CHD5: variants seen among roughly 807,000 people sequenced by gnomAD.
CHD5 encodes the protein chromodomain helicase DNA binding protein 5.
In CHD5, 69 loss-of-function variants were observed where a neutral mutation model predicts 230.3. The ratio of observed to expected loss-of-function variants is 0.30; its 90% CI spans 0.25 to 0.37. The LOEUF (loss-of-function observed/expected upper bound fraction) is 0.37, where lower values mean the gene tolerates loss of function less well. CHD5 is among the 10% of genes least tolerant of loss of function. CHD5 has a pLI of 1.00. For missense variants in CHD5, 1,827 were observed against 2,622.8 expected (o/e 0.70, Z 6.63); for synonymous variants, 1,064 against 1,065.9 (o/e 1.00, Z 0.03).
Position 6,105,548 on chromosome 1 carries a change from C to G in CHD5, c.*47-121G>C, listed in dbSNP as rs936252907. On this transcript the variant is annotated intron_variant, in intron 41 of 41. Transcript: ENST00000262450. The surrounding 1 kb of genome is among the most constrained non-coding windows in gnomAD (Gnocchi z 4.8). ...AACCAACTATGATCGGGGTGCCCCC[C>G]AGCCATGACCTCCCAGCCACAGGCT... is the stretch of plus-strand genomic sequence containing the variant. 1 of 347,776 alleles carries G rather than the reference C, an allele frequency of 2.9e-6. No homozygotes were observed. The highest frequency in any genetic ancestry group is 9.1e-5 in the East Asian group (1 of 10,994). The allele number at this position is 347,776 out of a possible 1,614,324, so 21.5% of individuals were successfully genotyped here. A position where few individuals can be genotyped will look rare whatever the true frequency, so the allele number is the denominator to read the frequency against.
At chr1:6,139,286 C>A (rs1205830450) in intron 15 of CHD5, among the ~76,000 whole-genome samples, 2 of 152,086 alleles carry the variant, frequency 1.3e-5, no homozygotes, top group East Asian at 3.8e-4. Context: ...GCTCTTGTTG[C>A]CCAGGCTGGA....
intron 15 of CHD5, among the ~76,000 whole-genome samples, chr1:6,137,835 G>A (rs2250248): frequency 3.9e-5 from 6 of 152,192 alleles, no homozygotes; most frequent in Non-Finnish European, 7.3e-5. Context: ...TATCCCAGGG[G>A]ACAATGGAGT....
At chr1:6,147,692 G>A (rs1666932864) in intron 9 of CHD5, among the ~76,000 whole-genome samples, 1 of 152,192 alleles carries the variant, frequency 6.6e-6, no homozygotes, top group Non-Finnish European at 1.5e-5. Context: ...CAAGCCTCCA[G>A]AGCCTGCTTT....
In CHD5 at chr1:6,180,011, CTGGGCCCCG is replaced by C; in HGVS notation, c.4_12del (p.Arg2_Pro4del). ...CGCGGCAGCTCCTCCTCGGTGCCCA[CTGGGCCCCG>C]CATGCCCGGCGCGGGGAGGAGGGGA... is the stretch of plus-strand genomic sequence containing the variant. On this transcript the variant is annotated inframe_deletion, in exon 1 of 42. Coordinates refer to ENST00000262450, the MANE Select transcript of CHD5 (RefSeq NM_015557.3). 1 of 1,369,664 alleles carries C rather than the reference CTGGGCCCCG, an allele frequency of 7.3e-7. No homozygotes were observed. The highest frequency in any genetic ancestry group is 9.5e-7 in the Non-Finnish European group (1 of 1,048,840). 84.8% of individuals were successfully genotyped at this position (1,369,664 alleles called of 1,614,324 possible).
chr1:6,166,210 C>G (rs1477778975), intron 2 of CHD5, among the ~76,000 whole-genome samples: 1 of 147,048 alleles, frequency 6.8e-6, no homozygotes. Flanking sequence ...CACACACAGT[C>G]ACATGCACAC....
Position 6,134,356 on chromosome 1 carries a change from T to G in CHD5, c.3013-97A>C. The G allele has an allele frequency of 1.4e-6, 2 of 1,406,582 alleles. No individual in the cohort carries two copies. Among genetic ancestry groups the G allele is most frequent in the Non-Finnish European group, 2.0e-6 (2 of 1,021,576 alleles). The allele number at this position is 1,406,582 out of a possible 1,614,324, so 87.1% of individuals were successfully genotyped here. ...CAGGGAACAGACAAGTGCTGAGCAATGGGGTGATGGCCTGTCTGCCCACTG... is the reference window on the plus strand; with the variant it reads ...CAGGGAACAGACAAGTGCTGAGCAAGGGGGTGATGGCCTGTCTGCCCACTG... On this transcript the variant is annotated intron_variant, in intron 19 of 41. Coordinates refer to ENST00000262450, the MANE Select transcript of CHD5 (RefSeq NM_015557.3). The surrounding 1 kb of genome is among the most constrained non-coding windows in gnomAD (Gnocchi z 6.3).
intron 7 of CHD5, 84 bp downstream of exon 7, chr1:6,150,948 G>T: frequency 7.3e-7 from 1 of 1,377,142 alleles, no homozygotes; most frequent in South Asian, 2.1e-5. Context: ...CCGGCAGGCC[G>T]AGAACCGTCC....
At chr1:6,175,326 A>G (rs1032095166) in intron 1 of CHD5, among the ~76,000 whole-genome samples, 6 of 147,014 alleles carry the variant, frequency 4.1e-5, no homozygotes, top group African/African-American at 1.3e-4. Context: ...GGATGGATGA[A>G]TGGATGGTGG....
chr1:6,127,026 C>T (rs6703057), intron 25 of CHD5: 61,520 of 478,846 alleles, frequency 0.13, 5,116 homozygotes, highest in East Asian at 0.37. Flanking sequence ...TGAATAAGCT[C>T]CCCCTTGCCT....
intron 2 of CHD5, among the ~76,000 whole-genome samples, chr1:6,165,114 G>T (rs1667231634): frequency 6.6e-6 from 1 of 152,142 alleles, no homozygotes; most frequent in South Asian, 2.1e-4. Context: ...GTTGGAAAAG[G>T]GAAGGCTCAG....
At chr1:6,109,683 T>C in intron 38 of CHD5, 112 bp downstream of exon 38, 1 of 903,858 alleles carries the variant, frequency 1.1e-6, no homozygotes, top group Non-Finnish European at 1.7e-6. Flanking sequence ...CCCTCTGGGC[T>C]GACATCTGTC....
chr1:6,116,581 C>T (rs1282498263), intron 33 of CHD5, among the ~76,000 whole-genome samples: 1 of 152,222 alleles, frequency 6.6e-6, no homozygotes, highest in Non-Finnish European at 1.5e-5. Flanking sequence ...ACTTCCTAGA[C>T]AGGAGCAGCA....
At chr1:6,168,070 C>G (rs906396267) in intron 2 of CHD5, 80 bp downstream of exon 2, 32 of 1,506,014 alleles carry the variant, frequency 2.1e-5, no homozygotes, top group Non-Finnish European at 2.9e-5. Context: ...TCCAGGGACC[C>G]CAGCCCTCCT....
Position 6,134,661 on chromosome 1 carries a change from A to G in CHD5, c.3012+57T>C. The stretch of plus-strand genomic sequence containing the variant: ...GCCACAGGGACCTACCATGGCGGCC[A>G]CAGGCACCTACCATGGCGGTCATGG... On this transcript the variant is annotated intron_variant, in intron 19 of 41. Transcript: ENST00000262450. This position sits in a 1 kb window ranked among gnomAD's most constrained non-coding sequence, Gnocchi z 6.3. 6.5e-7 allele frequency: 1 copy of G among 1,549,878 alleles called. No individual in the cohort carries two copies. Among genetic ancestry groups the G allele is most frequent in the East Asian group, 2.2e-5 (1 of 44,666 alleles).
In CHD5 at chr1:6,134,906, A is replaced by G. The variant is rs368909944; in HGVS notation, c.2871-47T>C. 2 of 1,611,164 alleles carry G rather than the reference A, an allele frequency of 1.2e-6. No individual in the cohort carries two copies. Among genetic ancestry groups the G allele is most frequent in the Admixed American group, 3.3e-5 (2 of 59,988 alleles). On this transcript the variant is annotated intron_variant, in intron 18 of 41. Transcript: ENST00000262450. The surrounding 1 kb of genome is among the most constrained non-coding windows in gnomAD (Gnocchi z 6.3). ...GGCAGGCTGGGTCAGACCCGCCTCCATGAGGGCTCTCTCTGCTCTGCAGTG... is the reference window on the plus strand; with the variant it reads ...GGCAGGCTGGGTCAGACCCGCCTCCGTGAGGGCTCTCTCTGCTCTGCAGTG...
In CHD5 at chr1:6,142,750, T is replaced by A; in HGVS notation, c.2044-145A>T. 2.1e-6 allele frequency: 2 copies of A among 934,036 alleles called. No individual in the cohort carries two copies. Among genetic ancestry groups the A allele is most frequent in the Non-Finnish European group, 3.1e-6 (2 of 647,450 alleles). The allele number at this position is 934,036 out of a possible 1,614,324, so 57.9% of individuals were successfully genotyped here. A position where few individuals can be genotyped will look rare whatever the true frequency, so the allele number is the denominator to read the frequency against. ...TCCTAACTCTTCTCCAGTTCTTGGA[T>A]GGAACACCTCTTCCTCTAGGAAGCC... On this transcript the variant is annotated intron_variant, in intron 13 of 41. Transcript: ENST00000262450. This position sits in a 1 kb window ranked among gnomAD's most constrained non-coding sequence, Gnocchi z 5.2.
At chr1:6,123,903 T>A in intron 31 of CHD5, 45 bp downstream of exon 31, 1 of 1,377,908 alleles carries the variant, frequency 7.3e-7, no homozygotes, top group Non-Finnish European at 9.4e-7. Flanking sequence ...ACCTTGCCAC[T>A]TTCCATGACC....
At chr1:6,166,732 C>A (rs1290608719) in intron 2 of CHD5, among the ~76,000 whole-genome samples, 3 of 152,122 alleles carry the variant, frequency 2.0e-5, no homozygotes, top group Admixed American at 6.5e-5. Flanking sequence ...GGGGCACAGA[C>A]CCGAGGCCCA....
rs754843557 is a variant in CHD5, at chr1:6,128,253, A to C, written c.3731-35T>G. On this transcript the variant is annotated intron_variant, in intron 24 of 41. Transcript: ENST00000262450. The surrounding 1 kb of genome is among the most constrained non-coding windows in gnomAD (Gnocchi z 7.8). ...AGGCAAATGCAGTGTGAGGACAAAG[A>C]CTGCCCTGGTCCAGCCCCGGGGTCC... is the stretch of plus-strand genomic sequence containing the variant. The C allele has an allele frequency of 5.0e-6, 8 of 1,606,604 alleles. No individual in the cohort carries two copies. Among genetic ancestry groups the C allele is most frequent in the African/African-American group, 1.3e-5 (1 of 74,796 alleles).
Sources: gnomAD v4.1 joint callset for allele counts (sites outside exome capture counted in the v4.1 genomes callset) on GRCh38, gnomAD v4.1.1 for gene constraint, Gnocchi (gnomAD v3.1) non-coding constraint, MANE v1.5 for transcripts, NCBI Gene and HGNC (gene_info 2026-07-23, HGNC 2026-07-21) for gene names.